Variants in FHIT observed in about 807,000 individuals in gnomAD.
The protein encoded by FHIT is fragile histidine triad diadenosine triphosphatase.
FHIT carries 19 observed loss-of-function variants against 17.9 expected under a neutral mutation model. The ratio of observed to expected loss-of-function variants is 1.06; its 90% CI spans 0.74 to 1.56. FHIT has a LOEUF of 1.56. Ranked by LOEUF, FHIT falls within the 40% of genes most tolerant of loss-of-function variation. FHIT has a pLI of 0.00. For missense variants in FHIT, 248 were observed against 189.2 expected (o/e 1.31, Z -1.82); for synonymous variants, 81 against 69.7 (o/e 1.16, Z -0.81).
At chr3:60,070,691 C>T (rs1007510481) in intron 5 of FHIT, among the ~76,000 whole-genome samples, 1 of 152,176 alleles carries the variant, frequency 6.6e-6, no homozygotes, top group Non-Finnish European at 1.5e-5. Context: ...GGGCCCATTG[C>T]AGACTGCGAG....
chr3:60,449,423 C>A (rs551568373), intron 5 of FHIT, among the ~76,000 whole-genome samples: 1 of 121,270 alleles, frequency 8.2e-6, no homozygotes, highest in Admixed American at 8.3e-5. Flanking sequence ...ACATCATATG[C>A]GCATACACAC....
At chr3:59,815,570 A>G (rs1170478136) in intron 8 of FHIT, among the ~76,000 whole-genome samples, 2 of 152,210 alleles carry the variant, frequency 1.3e-5, no homozygotes, top group Non-Finnish European at 2.9e-5. Context: ...GAATGAATGA[A>G]TTAATGGCAT....
At chr3:59,841,118 C>T (rs1186469121) in intron 8 of FHIT, among the ~76,000 whole-genome samples, 2 of 152,122 alleles carry the variant, frequency 1.3e-5, no homozygotes, top group Non-Finnish European at 2.9e-5. Flanking sequence ...TTGGCAGAGT[C>T]CATAGCCCCT....
chr3:60,221,443 C>G (rs1051416453), intron 5 of FHIT, among the ~76,000 whole-genome samples: 4 of 152,132 alleles, frequency 2.6e-5, no homozygotes, highest in Admixed American at 6.5e-5. Flanking sequence ...CCTCCTACAG[C>G]CCATTCTCCA....
intron 5 of FHIT, among the ~76,000 whole-genome samples, chr3:60,492,707 A>G (rs1189685800): frequency 6.6e-6 from 1 of 151,866 alleles, no homozygotes; most frequent in East Asian, 1.9e-4. Context: ...GGGTTTCTCC[A>G]TGTTGGTCAG....
intron 5 of FHIT, among the ~76,000 whole-genome samples, chr3:60,528,493 C>G (rs1010008079): frequency 6.6e-6 from 1 of 152,084 alleles, no homozygotes; most frequent in Non-Finnish European, 1.5e-5. Flanking sequence ...TACAAGTAAG[C>G]TTTCCCTTAA....
chr3:60,562,496 G>A (rs139896778), intron 4 of FHIT, among the ~76,000 whole-genome samples: 87 of 152,288 alleles, frequency 5.7e-4, no homozygotes, highest in African/African-American at 1.9e-3. Context: ...GTGTTTGTCA[G>A]GGTGGCCAGC....
At chr3:60,304,148 C>A (rs1274321261) in intron 5 of FHIT, among the ~76,000 whole-genome samples, 5 of 152,092 alleles carry the variant, frequency 3.3e-5, no homozygotes, top group Non-Finnish European at 7.4e-5. Context: ...TATTAAGTAT[C>A]CCTTTGAAAA....
rs534380703 is a variant in FHIT at position 60,245,207 on chromosome 3, A to G, written c.104-231055T>C. Among the ~76,000 whole-genome samples, 3 of 152,172 alleles carry G rather than the reference A, an allele frequency of 2.0e-5. 1 individual carries two copies. The highest frequency in any genetic ancestry group is 7.2e-5 in the African/African-American group (3 of 41,564). On this transcript the variant is annotated intron_variant, in intron 5 of 9. Transcript: ENST00000492590. ...ATAAATCAGTACTGAAACATACTTT[A>G]TATCTAAAATTATCTGTATGTTGGC...
intron 5 of FHIT, among the ~76,000 whole-genome samples, chr3:60,207,916 A>C (rs997517322): frequency 6.6e-6 from 1 of 152,192 alleles, no homozygotes; most frequent in African/African-American, 2.4e-5. Flanking sequence ...TTGGAATGTA[A>C]TCTCTTACTA....
intron 7 of FHIT, among the ~76,000 whole-genome samples, chr3:59,926,557 A>T (rs1457949910): frequency 6.6e-6 from 1 of 152,196 alleles, no homozygotes; most frequent in Non-Finnish European, 1.5e-5. Context: ...GAGAAGCAGG[A>T]CTCAATTTAA....
intron 5 of FHIT, among the ~76,000 whole-genome samples, chr3:60,401,033 A>G (rs564447000): frequency 1.7e-4 from 26 of 152,274 alleles, no homozygotes; most frequent in Non-Finnish European, 3.1e-4. Context: ...ACCTAGATCA[A>G]TTTAATCATT....
intron 3 of FHIT, among the ~76,000 whole-genome samples, chr3:61,033,037 C>T (rs1018534693): frequency 3.9e-5 from 6 of 152,210 alleles, no homozygotes; most frequent in South Asian, 2.1e-4. Flanking sequence ...CATTTCTGCA[C>T]GTTTTGTTCT....
At chr3:60,171,749 A>G (rs1701422832) in intron 5 of FHIT, among the ~76,000 whole-genome samples, 1 of 152,158 alleles carries the variant, frequency 6.6e-6, no homozygotes, top group Non-Finnish European at 1.5e-5. Flanking sequence ...TATACAGCCC[A>G]GGCTGGAATG....
intron 5 of FHIT, among the ~76,000 whole-genome samples, chr3:60,218,853 C>T (rs575929350): frequency 2.6e-5 from 4 of 151,360 alleles, no homozygotes; most frequent in African/African-American, 9.8e-5. Flanking sequence ...TAACTCTATA[C>T]TGCCTACATA....
chr3:60,832,591 T>A (rs1482874430), intron 3 of FHIT, among the ~76,000 whole-genome samples: 1 of 151,910 alleles, frequency 6.6e-6, no homozygotes, highest in African/African-American at 2.4e-5. Context: ...AAGAGATACA[T>A]CAGGTATGTC....
chr3:60,177,552 G>A (rs1034711003), intron 5 of FHIT, among the ~76,000 whole-genome samples: 5 of 152,204 alleles, frequency 3.3e-5, no homozygotes, highest in African/African-American at 7.2e-5. Flanking sequence ...CTGGGATGGG[G>A]AAACAGACAA....
chr3:59,970,646 T>A (rs1053586529), intron 7 of FHIT, among the ~76,000 whole-genome samples: 1 of 152,140 alleles, frequency 6.6e-6, no homozygotes, highest in East Asian at 1.9e-4. Context: ...AGATTTTTAA[T>A]GAAACTACAT....
At chr3:60,255,265 C>T (rs540693094) in intron 5 of FHIT, among the ~76,000 whole-genome samples, 8 of 152,104 alleles carry the variant, frequency 5.3e-5, no homozygotes, top group African/African-American at 1.9e-4. Context: ...TAATGAGATG[C>T]GGGAATACAT....
Sources: allele counts gnomAD v4.1 joint callset (sites outside exome capture counted in the v4.1 genomes callset), GRCh38; gene constraint gnomAD v4.1.1; transcripts MANE v1.5; gene names NCBI Gene and HGNC (gene_info 2026-07-23, HGNC 2026-07-21).